Variants in CTNND2 observed in about 807,000 individuals in gnomAD.
CTNND2 encodes the protein catenin delta-2.
In CTNND2, 22 loss-of-function variants were observed where a neutral mutation model predicts 144.4. The observed-to-expected ratio is 0.15, with a 90% CI of 0.11 to 0.22. The LOEUF (loss-of-function observed/expected upper bound fraction) is 0.22, where lower values mean the gene tolerates loss of function less well. Among genes scored for constraint, CTNND2 ranks in the 10% least tolerant of loss-of-function variants. The pLI is 1.00. For synonymous variants in CTNND2, 751 were observed against 695.6 expected (o/e 1.08, Z -1.25); for missense variants, 1,353 against 1,618.8 (o/e 0.84, Z 2.82).
chr5:10,991,204 T>C (rs993461049), intron 19 of CTNND2, among the ~76,000 whole-genome samples: 3 of 152,210 alleles, frequency 2.0e-5, no homozygotes, highest in African/African-American at 7.2e-5. Context: ...AGTCAGATAT[T>C]GGCCATTCAT....
intron 6 of CTNND2, among the ~76,000 whole-genome samples, chr5:11,393,190 T>G (rs1215041209): frequency 6.6e-6 from 1 of 152,218 alleles, no homozygotes; most frequent in Non-Finnish European, 1.5e-5. Flanking sequence ...AAATGGAAAT[T>G]TTGTTTCTCA....
intron 11 of CTNND2, among the ~76,000 whole-genome samples, chr5:11,162,884 TAC>T (rs34257746): frequency 0.076 from 11,197 of 147,448 alleles, 641 homozygotes; most frequent in African/African-American, 0.16. Flanking sequence ...TCTTTCCTGC[TAC>T]ACACACACAC....
intron 16 of CTNND2, among the ~76,000 whole-genome samples, chr5:11,070,853 T>C (rs1346514669): frequency 6.6e-6 from 1 of 151,986 alleles, no homozygotes; most frequent in Non-Finnish European, 1.5e-5. Context: ...GGAAATTATA[T>C]CAGATTTATA....
At chr5:11,759,222 A>G (rs114562524) in intron 1 of CTNND2, among the ~76,000 whole-genome samples, 3,035 of 152,064 alleles carry the variant, frequency 0.02, 86 homozygotes, top group African/African-American at 0.07. Flanking sequence ...TTCCTCTCCA[A>G]AAGATAATTG....
chr5:11,081,243 T>C (rs1440831985), intron 16 of CTNND2, among the ~76,000 whole-genome samples: 1 of 152,024 alleles, frequency 6.6e-6, no homozygotes, highest in African/African-American at 2.4e-5. Flanking sequence ...TTTTTTGAGA[T>C]TTATTATGCA....
chr5:11,885,716 A>C (rs1472066296), intron 1 of CTNND2, among the ~76,000 whole-genome samples: 1 of 152,230 alleles, frequency 6.6e-6, no homozygotes, highest in Non-Finnish European at 1.5e-5. Flanking sequence ...CAACAGCTTC[A>C]GAATACACAT....
chr5:11,873,755 T>C (rs1582043267), intron 1 of CTNND2, among the ~76,000 whole-genome samples: 1 of 152,158 alleles, frequency 6.6e-6, no homozygotes, highest in Non-Finnish European at 1.5e-5. Flanking sequence ...GGGGCTGGAA[T>C]GGAGTCCACC....
At chr5:11,548,389 T>C (rs1483063494) in intron 3 of CTNND2, among the ~76,000 whole-genome samples, 1 of 152,230 alleles carries the variant, frequency 6.6e-6, no homozygotes, top group Non-Finnish European at 1.5e-5. Context: ...AATATGCAAA[T>C]ACTGCATATT....
At chr5:11,474,110 T>C (rs1414750264) in intron 3 of CTNND2, among the ~76,000 whole-genome samples, 1 of 152,258 alleles carries the variant, frequency 6.6e-6, no homozygotes, top group African/African-American at 2.4e-5. Flanking sequence ...GACATTTGTC[T>C]GGAGAAAAAC....
intron 10 of CTNND2, among the ~76,000 whole-genome samples, chr5:11,212,313 C>G (rs1738722009): frequency 1.3e-5 from 2 of 152,162 alleles, no homozygotes; most frequent in African/African-American, 4.8e-5. Context: ...AACCAGCCTC[C>G]TTAGGAAATG....
chr5:11,172,308 A>G (rs1445570262), intron 11 of CTNND2, among the ~76,000 whole-genome samples: 1 of 151,682 alleles, frequency 6.6e-6, no homozygotes, highest in Non-Finnish European at 1.5e-5. Flanking sequence ...AGAAACAGGA[A>G]AAAAAACTCT....
chr5:10,978,747 G>A (rs1736830998), intron 21 of CTNND2, among the ~76,000 whole-genome samples: 1 of 152,224 alleles, frequency 6.6e-6, no homozygotes, highest in Non-Finnish European at 1.5e-5. Context: ...TGGCCTTGGT[G>A]TTTCACTCTG....
chr5:11,112,852 T>A (rs1442475856), intron 13 of CTNND2, among the ~76,000 whole-genome samples: 1 of 152,038 alleles, frequency 6.6e-6, no homozygotes, highest in Non-Finnish European at 1.5e-5. Context: ...ATTAACAGTA[T>A]CATGTACAGG....
intron 16 of CTNND2, among the ~76,000 whole-genome samples, chr5:11,062,349 C>G (rs1168447774): frequency 6.6e-6 from 1 of 152,208 alleles, no homozygotes; most frequent in Non-Finnish European, 1.5e-5. Flanking sequence ...ATACTGTACT[C>G]ATTGTCCCAA....
chr5:11,190,993 A>C (rs1035474565), intron 11 of CTNND2, among the ~76,000 whole-genome samples: 1 of 152,184 alleles, frequency 6.6e-6, no homozygotes, highest in African/African-American at 2.4e-5. Context: ...GGTTCAAGAG[A>C]ACTGAGCCTT....
intron 18 of CTNND2, among the ~76,000 whole-genome samples, chr5:11,007,943 G>T (rs1455970205): frequency 6.6e-6 from 1 of 152,186 alleles, no homozygotes; most frequent in Non-Finnish European, 1.5e-5. Context: ...AGAACTGGAA[G>T]TATTTACATT....
At chr5:11,345,399 C>T (rs1754667874) in intron 9 of CTNND2, among the ~76,000 whole-genome samples, 1 of 152,160 alleles carries the variant, frequency 6.6e-6, no homozygotes, top group South Asian at 2.1e-4. Context: ...TTGAATTGTG[C>T]TAAAGTAGCT....
intron 2 of CTNND2, among the ~76,000 whole-genome samples, chr5:11,568,857 G>A (rs1334534873): frequency 1.3e-5 from 2 of 152,166 alleles, no homozygotes; most frequent in African/African-American, 2.4e-5. Flanking sequence ...AATAAGGGCA[G>A]GTGAGTATAC....
chr5:11,355,203 C>G (rs1434875974), intron 8 of CTNND2, among the ~76,000 whole-genome samples: 1 of 151,912 alleles, frequency 6.6e-6, no homozygotes, highest in Non-Finnish European at 1.5e-5. Flanking sequence ...ACAAAAACAA[C>G]CTAAACTCAA....
Sources: gnomAD v4.1 joint callset for allele counts (sites outside exome capture counted in the v4.1 genomes callset) on GRCh38, gnomAD v4.1.1 for gene constraint, MANE v1.5 for transcripts, NCBI Gene and HGNC (gene_info 2026-07-23, HGNC 2026-07-21) for gene names.